STAC: variants seen among roughly 807,000 people sequenced by gnomAD.
The protein encoded by STAC is SH3 and cysteine-rich domain-containing protein.
In STAC, 43 loss-of-function variants were observed where a neutral mutation model predicts 48.8. The ratio of observed to expected loss-of-function variants is 0.88; its 90% CI spans 0.69 to 1.14. The LOEUF (loss-of-function observed/expected upper bound fraction) is 1.14, where lower values mean the gene tolerates loss of function less well. STAC is among the 50% of genes most tolerant of loss of function. STAC has a pLI of 0.00. For missense variants in STAC, 497 were observed against 504.0 expected (o/e 0.99, Z 0.13); for synonymous variants, 193 against 179.5 (o/e 1.07, Z -0.60).
intron 1 of STAC, among the ~76,000 whole-genome samples, chr3:36,402,833 TC>T (rs1700022962): frequency 6.6e-6 from 1 of 152,128 alleles, no homozygotes; most frequent in Admixed American, 6.6e-5. Context: ...CTGTCCGTCT[TC>T]CCACCTCAGA....
chr3:36,511,799 C>T (rs1698546919), intron 8 of STAC, among the ~76,000 whole-genome samples: 1 of 152,100 alleles, frequency 6.6e-6, no homozygotes, highest in Non-Finnish European at 1.5e-5. Context: ...GTGAAATTAC[C>T]CTTCTCCTCT....
intron 6 of STAC, among the ~76,000 whole-genome samples, chr3:36,495,850 A>T (rs1172599026): frequency 6.6e-6 from 1 of 152,254 alleles, no homozygotes; most frequent in African/African-American, 2.4e-5. Context: ...TCACGTGAGC[A>T]TCACTTGAAA....
At chr3:36,397,377 T>A (rs1195517026) in intron 1 of STAC, among the ~76,000 whole-genome samples, 1 of 152,200 alleles carries the variant, frequency 6.6e-6, no homozygotes, top group Non-Finnish European at 1.5e-5. Flanking sequence ...CTAATTAACA[T>A]TGAAGAAATA....
At chr3:36,526,122 A>G (rs1575262430) in intron 8 of STAC, among the ~76,000 whole-genome samples, 1 of 152,190 alleles carries the variant, frequency 6.6e-6, no homozygotes, top group Admixed American at 6.5e-5. Flanking sequence ...CCAGAGACCA[A>G]AGAATACTCA....
intron 6 of STAC, among the ~76,000 whole-genome samples, chr3:36,494,151 CAAAAAAAAA>C (rs751587518): frequency 1.8e-5 from 1 of 56,904 alleles, no homozygotes; most frequent in African/African-American, 7.2e-5. Context: ...GACTCCGTCT[CAAAAAAAAA>C]AAAAAAAAAA....
chr3:36,524,416 AC>A (rs1698879145), intron 8 of STAC, among the ~76,000 whole-genome samples: 1 of 151,914 alleles, frequency 6.6e-6, no homozygotes, highest in Non-Finnish European at 1.5e-5. Flanking sequence ...ACGTGGTGAA[AC>A]CCTGTCTCTA....
intron 8 of STAC, among the ~76,000 whole-genome samples, chr3:36,511,032 G>A (rs1487232719): frequency 6.6e-6 from 1 of 151,466 alleles, no homozygotes; most frequent in Non-Finnish European, 1.5e-5. Context: ...AACTATCAGA[G>A]TCAATCAGGA....
At chr3:36,512,978 T>C (rs979413657) in intron 8 of STAC, among the ~76,000 whole-genome samples, 1 of 152,142 alleles carries the variant, frequency 6.6e-6, no homozygotes. Context: ...CAAAATAGCA[T>C]TCTTATCCAC....
At chr3:36,463,449 C>T (rs371132435) in intron 2 of STAC, among the ~76,000 whole-genome samples, 5 of 151,578 alleles carry the variant, frequency 3.3e-5, no homozygotes, top group East Asian at 1.9e-4. Flanking sequence ...AAGAAGCATA[C>T]GTCTGTGTCT....
chr3:36,428,044 C>A (rs1309314155), intron 1 of STAC, among the ~76,000 whole-genome samples: 3 of 152,074 alleles, frequency 2.0e-5, no homozygotes, highest in African/African-American at 7.2e-5. Context: ...AAACTAAAAG[C>A]AATGCATAAT....
chr3:36,542,518 C>G (rs970046181), intron 10 of STAC, among the ~76,000 whole-genome samples: 1 of 152,152 alleles, frequency 6.6e-6, no homozygotes, highest in Non-Finnish European at 1.5e-5. Flanking sequence ...GTCCCAGTCT[C>G]TTGAGGCTGG....
intron 10 of STAC, among the ~76,000 whole-genome samples, chr3:36,538,911 C>T (rs1480528177): frequency 5.9e-5 from 9 of 151,870 alleles, no homozygotes; most frequent in Non-Finnish European, 1.2e-4. Context: ...TATCATTTGC[C>T]CTTCACTCTC....
intron 2 of STAC, among the ~76,000 whole-genome samples, chr3:36,475,257 A>G (rs1697460353): frequency 6.7e-6 from 1 of 148,916 alleles, no homozygotes; most frequent in Admixed American, 6.8e-5. Context: ...AAAATACATC[A>G]TGTTATTTTT....
chr3:36,540,821 G>T (rs1304357412), intron 10 of STAC, among the ~76,000 whole-genome samples: 2 of 152,176 alleles, frequency 1.3e-5, no homozygotes, highest in South Asian at 4.1e-4. Context: ...AGCCAAGTCC[G>T]CTAGACCTAC....
chr3:36,423,996 T>C (rs1333982498), intron 1 of STAC, among the ~76,000 whole-genome samples: 1 of 152,162 alleles, frequency 6.6e-6, no homozygotes. Flanking sequence ...ATAATGAATA[T>C]AATGGATCTG....
Position 36,422,526 on chromosome 3 carries a change from T to G in STAC, c.112-20838T>G, listed in dbSNP as rs1303232017. 1.4e-4 allele frequency among the ~76,000 whole-genome samples: 21 copies of G among 152,222 alleles called. No individual in the cohort carries two copies. In the East Asian group the frequency reaches 3.7e-3, roughly 27 times the overall value. ...TTCAATGACTAATGTCAAAGATGAA[T>G]GACAAACAGAAAAATATTCCACAAA... On this transcript the variant is annotated intron_variant, in intron 1 of 10. Transcript: ENST00000273183.
intron 7 of STAC, 111 bp from the exon 8 acceptor site, chr3:36,505,635 C>A (rs1051841079): frequency 2.9e-6 from 2 of 701,116 alleles, no homozygotes; most frequent in Non-Finnish European, 4.9e-6. Flanking sequence ...CACTTACGAT[C>A]CATACACTGA....
intron 1 of STAC, among the ~76,000 whole-genome samples, chr3:36,394,905 C>T (rs184565601): frequency 6.6e-6 from 1 of 151,274 alleles, no homozygotes; most frequent in East Asian, 1.9e-4. Flanking sequence ...AATATATTTG[C>T]ATTATATTTT....
At chr3:36,469,247 A>G (rs1697259914) in intron 2 of STAC, among the ~76,000 whole-genome samples, 1 of 152,068 alleles carries the variant, frequency 6.6e-6, no homozygotes, top group African/African-American at 2.4e-5. Flanking sequence ...TTCAGGATTG[A>G]GAGGTCCTTT....
Sources: gnomAD v4.1 joint callset for allele counts (sites outside exome capture counted in the v4.1 genomes callset) on GRCh38, gnomAD v4.1.1 for gene constraint, MANE v1.5 for transcripts, NCBI Gene and HGNC (gene_info 2026-07-23, HGNC 2026-07-21) for gene names.